The following WDR19 variants were observed in gnomAD, a reference collection of about 807,000 sequenced individuals.
The protein encoded by WDR19 is WD repeat-containing protein 19.
A neutral mutation model predicts 180.0 loss-of-function variants in WDR19; 121 were observed. The ratio of observed to expected loss-of-function variants is 0.67; its 90% CI spans 0.58 to 0.78. WDR19 has a LOEUF of 0.78. Ranked by LOEUF, WDR19 falls within the 30% of genes least tolerant of loss-of-function variation. WDR19 has a pLI of 0.00. For missense variants in WDR19, 1,450 were observed against 1,640.7 expected, an observed-to-expected ratio of 0.88 and a Z score of 2.01; for synonymous variants, 497 against 540.7, an observed-to-expected ratio of 0.92 and a Z score of 1.12.
At position 39,205,693 on chromosome 4, in the gene WDR19, G is replaced by A; in HGVS notation, c.847G>A (p.Val283Ile). ...NHKDNLTSIAVSQTLNKVATC... is the reference protein window; with the variant it reads ...NHKDNLTSIAISQTLNKVATC... ...TAAAGATAATCTAACCAGCATTGCA[G>A]TATCACAGACTCTTAACAAAGTTGC... is the stretch of plus-strand genomic sequence containing the variant. Residue 283 changes from valine (V) to isoleucine (I), a missense_variant, in exon 9 of 37, where the codon GTA becomes ATA. By Grantham distance (29) the Val-to-Ile change is conservative. Transcript: ENST00000399820. 6.2e-7 allele frequency: 1 copy of A among 1,610,178 alleles called. No homozygotes were observed.
At chr4:39,270,885 A>G (rs1248069060) in intron 31 of WDR19, among the ~76,000 whole-genome samples, 1 of 138,608 alleles carries the variant, frequency 7.2e-6, no homozygotes, top group African/African-American at 2.6e-5. Flanking sequence ...TTTAAAAAAT[A>G]TAGAAAAGAA....
chr4:39,266,209 C>T, intron 29 of WDR19, 69 bp downstream of exon 29: 5 of 1,374,828 alleles, frequency 3.6e-6, no homozygotes, highest in Non-Finnish European at 4.9e-6. Context: ...CTGTTTTTAC[C>T]CATCATGCTT....
rs753029687 is a variant in WDR19, at chr4:39,231,820, G to A, written c.2006G>A (p.Cys669Tyr). Reference protein sequence around the residue: ...LKRFSDAWEMCRILNDEAAWN... With the variant: ...LKRFSDAWEMYRILNDEAAWN... Reference sequence around the variant, plus strand: ...AGGTTTTCTGATGCTTGGGAAATGTGCAGGATTCTGAATGATGAGGCTGCC... The same window carrying A: ...AGGTTTTCTGATGCTTGGGAAATGTACAGGATTCTGAATGATGAGGCTGCC... The change falls in exon 18 of 37, where the codon TGC becomes TAC. Residue 669 changes from cysteine to tyrosine, a missense_variant. Transcript: ENST00000399820. 7.5e-6 allele frequency: 12 copies of A among 1,595,280 alleles called. No homozygotes were observed. The highest frequency in any genetic ancestry group is 1.0e-5 in the Non-Finnish European group (12 of 1,164,938).
rs752268355 is a variant in WDR19 at position 39,255,946 on chromosome 4, G to A, written c.3100G>A (p.Gly1034Ser). ...GGCTGGAAAATTCTTCTTGCTGTGT[G>A]GCCAATATTCACGAGTTAGTATTTG... The part of the protein sequence containing the change: ...LQAGKFFLLC[G>S]QYSRALKHFL... The change falls in exon 27 of 37, where the codon GGC (glycine) becomes AGC (serine). Residue 1034 changes from glycine to serine, a missense_variant. Physicochemically the swap from Gly to Ser is moderately conservative, Grantham distance 56. Transcript: ENST00000399820. 5.7e-6 allele frequency: 9 copies of A among 1,569,800 alleles called. No individual in the cohort carries two copies. The South Asian group carries it at 1.0e-4, about 18-fold the overall frequency.
intron 36 of WDR19, among the ~76,000 whole-genome samples, chr4:39,282,569 T>C (rs1300854235): frequency 6.6e-6 from 1 of 152,078 alleles, no homozygotes; most frequent in Non-Finnish European, 1.5e-5. Flanking sequence ...AGCTAATTTT[T>C]GTATTTTTAT....
At chr4:39,274,563 G>T in intron 32 of WDR19, 1 of 478,390 alleles carries the variant, frequency 2.1e-6, no homozygotes, top group African/African-American at 1.9e-5. Context: ...GCCTCAAGGG[G>T]TGCAGGTCCT....
At chr4:39,182,894 A>G (rs1253748031) in intron 1 of WDR19, among the ~76,000 whole-genome samples, 5 of 152,112 alleles carry the variant, frequency 3.3e-5, no homozygotes, top group African/African-American at 1.2e-4. Flanking sequence ...CGCGGAAAGA[A>G]CTGGTCGAGT....
intron 25 of WDR19, 137 bp downstream of exon 25, chr4:39,253,429 C>A: frequency 2.0e-6 from 2 of 1,016,224 alleles, no homozygotes; most frequent in Non-Finnish European, 2.8e-6. Context: ...CGTTTAAATT[C>A]AAAGGCTGTC....
intron 29 of WDR19, 85 bp from the exon 30 acceptor site, chr4:39,267,910 A>T: frequency 8.5e-7 from 1 of 1,178,326 alleles, no homozygotes; most frequent in Non-Finnish European, 1.2e-6. Flanking sequence ...CTGGCAGATG[A>T]ATGTGATTCT....
intron 28 of WDR19, among the ~76,000 whole-genome samples, chr4:39,264,884 A>G (rs866951584): frequency 6.7e-5 from 10 of 149,896 alleles, no homozygotes; most frequent in African/African-American, 2.5e-4. Context: ...ACACCACCCA[A>G]TACTTCAGTG....
At position 39,277,060 on chromosome 4, in the gene WDR19, T is replaced by C. The variant is rs1432213575; in HGVS notation, c.3757T>C (p.Cys1253Arg). The change falls in exon 34 of 37, where the codon TGT (cysteine) becomes CGT (arginine). Residue 1253 changes from cysteine (C) to arginine (R), a missense_variant. Coordinates refer to ENST00000399820, the MANE Select transcript of WDR19 (RefSeq NM_025132.4). ...ISEIEEATTP[C>R]PFCKFLLPEC... ...TGAGATAGAAGAGGCCACGACTCCATGTCCATTCTGCAAATTTCTTCTCCC... is the reference window on the plus strand; with the variant it reads ...TGAGATAGAAGAGGCCACGACTCCACGTCCATTCTGCAAATTTCTTCTCCC... 2 of 1,613,986 alleles carry C rather than the reference T, an allele frequency of 1.2e-6. No individual in the cohort carries two copies. Among genetic ancestry groups the C allele is most frequent in the Admixed American group, 1.7e-5 (1 of 60,024 alleles).
chr4:39,278,198 A>T lies in WDR19; in HGVS notation c.3908A>T (p.Glu1303Val). The T allele has an allele frequency of 6.2e-7, 1 of 1,603,452 alleles. No homozygotes were observed. Among genetic ancestry groups the T allele is most frequent in the Non-Finnish European group, 8.5e-7 (1 of 1,175,220 alleles). ...PHCDFPALYS[E>V]LKIMLNTEST... ...TGTGACTTCCCTGCTCTATACTCAGAATTGAAGATGTAAGTGTGCATCACG... is the reference window on the plus strand; with the variant it reads ...TGTGACTTCCCTGCTCTATACTCAGTATTGAAGATGTAAGTGTGCATCACG... Residue 1303 changes from glutamate to valine, a missense_variant, in exon 35 of 37, where the codon GAA becomes GTA. Physicochemically the swap from Glu to Val is moderately radical, Grantham distance 121 (BLOSUM62 -2). Coordinates refer to ENST00000399820, the MANE Select transcript of WDR19 (RefSeq NM_025132.4).
At chr4:39,199,985 T>C (rs1727206479) in intron 6 of WDR19, among the ~76,000 whole-genome samples, 1 of 152,250 alleles carries the variant, frequency 6.6e-6, no homozygotes, top group Non-Finnish European at 1.5e-5. Flanking sequence ...AACTGATAAA[T>C]TGCTTCTAAA....
chr4:39,217,897 G>C, intron 13 of WDR19, 86 bp from the exon 14 acceptor site: 1 of 1,510,646 alleles, frequency 6.6e-7, no homozygotes, highest in Non-Finnish European at 8.9e-7. Flanking sequence ...ATGTTTAGGT[G>C]AACTTGAGAA....
intron 36 of WDR19, among the ~76,000 whole-genome samples, chr4:39,285,176 G>GA (rs1354386511): frequency 2.6e-5 from 4 of 152,014 alleles, no homozygotes; most frequent in African/African-American, 9.7e-5. Context: ...TTAATTTCAG[G>GA]AAAATTTTTT....
At chr4:39,259,903 T>C (rs962550812) in intron 28 of WDR19, among the ~76,000 whole-genome samples, 12 of 152,224 alleles carry the variant, frequency 7.9e-5, no homozygotes, top group Non-Finnish European at 1.5e-4. Flanking sequence ...AGCTATCTAG[T>C]TAGGGTTTGA....
chr4:39,195,848 T>A (rs1407308102), intron 5 of WDR19, among the ~76,000 whole-genome samples: 1 of 152,248 alleles, frequency 6.6e-6, no homozygotes, highest in African/African-American at 2.4e-5. Flanking sequence ...AACATTAATT[T>A]TGGGTGCTAT....
chr4:39,271,406 T>C (rs1183069764), intron 31 of WDR19, among the ~76,000 whole-genome samples: 3 of 152,180 alleles, frequency 2.0e-5, no homozygotes, highest in Admixed American at 6.5e-5. Flanking sequence ...CTTGTATGTA[T>C]AATTTACATA....
At chr4:39,242,210 A>G (rs1041548145) in intron 21 of WDR19, among the ~76,000 whole-genome samples, 5 of 152,194 alleles carry the variant, frequency 3.3e-5, no homozygotes, top group African/African-American at 1.2e-4. Flanking sequence ...GACTACTGGT[A>G]CATGCTACCA....
Sources: allele counts gnomAD v4.1 joint callset (sites outside exome capture counted in the v4.1 genomes callset), GRCh38; gene constraint gnomAD v4.1.1; transcripts MANE v1.5; gene names NCBI Gene and HGNC (gene_info 2026-07-23, HGNC 2026-07-21).